The following LGR5 variants were observed in gnomAD, a reference collection of about 807,000 sequenced individuals.
The protein encoded by LGR5 is leucine rich repeat containing G protein-coupled receptor 5.
LGR5 carries 54 observed loss-of-function variants against 76.7 expected under a neutral mutation model. The observed-to-expected ratio is 0.70, with a 90% CI of 0.57 to 0.88. LGR5 has a LOEUF of 0.88. Among genes scored for constraint, LGR5 ranks in the 40% least tolerant of loss-of-function variants. The pLI is 0.00. For synonymous variants in LGR5, 406 were observed against 421.9 expected (o/e 0.96, Z 0.46); for missense variants, 1,078 against 1,073.3 (o/e 1.00, Z -0.06).
chr12:71,582,665 C>T, intron 17 of LGR5, 126 bp downstream of exon 17: 1 of 653,056 alleles, frequency 1.5e-6, no homozygotes, highest in East Asian at 2.7e-5. Context: ...AGTAACCCTC[C>T]CCATAGTGGC....
rs79800508 is a variant in LGR5 at position 71,503,271 on chromosome 12, C to T, written c.213-1343C>T. On this transcript the variant is annotated intron_variant, in intron 1 of 17. Coordinates refer to ENST00000266674, the MANE Select transcript of LGR5 (RefSeq NM_003667.4). ...CTTGACTTTTTTATCTAGACAACGC[C>T]AGAAAAATCCAGATTTTTGGAATAT... is the stretch of plus-strand genomic sequence containing the variant. Among the ~76,000 whole-genome samples, 366 of 152,186 alleles carry T rather than the reference C, an allele frequency of 2.4e-3. 2 individuals are homozygous for T. Among genetic ancestry groups the T allele is most frequent in the African/African-American group, 8.5e-3 (351 of 41,514 alleles).
intron 1 of LGR5, among the ~76,000 whole-genome samples, chr12:71,501,108 ATTAC>A (rs2137298031): frequency 6.6e-6 from 1 of 152,356 alleles, no homozygotes; most frequent in East Asian, 1.9e-4. Flanking sequence ...TTTTAAAATC[ATTAC>A]TTAAAGAGTA....
chr12:71,496,038 C>T (rs114568727), intron 1 of LGR5, among the ~76,000 whole-genome samples: 3,480 of 152,136 alleles, frequency 0.023, 135 homozygotes, highest in African/African-American at 0.079. Flanking sequence ...ATTATAACCA[C>T]GATGTGACAT....
At chr12:71,484,811 G>T (rs549785338) in intron 1 of LGR5, among the ~76,000 whole-genome samples, 1 of 152,306 alleles carries the variant, frequency 6.6e-6, no homozygotes, top group South Asian at 2.1e-4. Flanking sequence ...TAGGGCAGAG[G>T]AATGCCCAGT....
chr12:71,577,958 C>T lies in LGR5; in HGVS notation c.1242C>T (p.His414=), dbSNP rs767062559. The change falls in exon 14 of 18, where the codon CAC becomes CAT. Residue 414 remains histidine, a synonymous_variant. Coordinates refer to ENST00000266674, the MANE Select transcript of LGR5 (RefSeq NM_003667.4). Reference sequence around the variant, plus strand: ...CTTGGAACAAAATTGCTATTATTCACCCCAATGCATTTTCCACTTTGCCAT... The same window carrying T: ...CTTGGAACAAAATTGCTATTATTCATCCCAATGCATTTTCCACTTTGCCAT... ...NLAWNKIAII[H]PNAFSTLPSL... 6.2e-7 allele frequency: 1 copy of T among 1,613,420 alleles called. No homozygotes were observed. Among genetic ancestry groups the T allele is most frequent in the Non-Finnish European group, 8.5e-7 (1 of 1,179,538 alleles).
In LGR5 at chr12:71,585,619, G is replaced by T. The variant is rs1270805901; in HGVS notation, c.*885G>T. The T allele has an allele frequency of 6.6e-6, 1 of 152,168 alleles. No homozygotes were observed. The highest frequency in any genetic ancestry group is 2.4e-5 in the African/African-American group (1 of 41,434). The allele number at this position is 152,168 out of a possible 1,614,324, so 9.4% of individuals were successfully genotyped here. A position where few individuals can be genotyped will look rare whatever the true frequency, so the allele number is the denominator to read the frequency against. On this transcript the variant is annotated 3_prime_UTR_variant, in exon 18 of 18. Transcript: ENST00000266674. Reference sequence around the variant, plus strand: ...AGAATTTTTGCAATAAGTTTTATCAGTTGATTCAAACTGATGTGCATCTTA... The same window carrying T: ...AGAATTTTTGCAATAAGTTTTATCATTTGATTCAAACTGATGTGCATCTTA...
intron 4 of LGR5, among the ~76,000 whole-genome samples, chr12:71,538,827 C>T (rs7308513): frequency 0.62 from 93,756 of 151,902 alleles, 29,155 homozygotes; most frequent in East Asian, 0.86. Context: ...CACTGCACTC[C>T]AGCCCGGGCA....
At chr12:71,547,781 A>G (rs1022889546) in intron 4 of LGR5, among the ~76,000 whole-genome samples, 2 of 152,190 alleles carry the variant, frequency 1.3e-5, no homozygotes, top group Middle Eastern at 3.4e-3. Context: ...ATTTTTTTGT[A>G]TTTTTAGTAG....
Position 71,440,830 on chromosome 12 carries a change from CCCTT to C in LGR5, c.212+546_212+549del, listed in dbSNP as rs1343405546. ...TTTTGGGGTTTTTTCCTCTTTTCCT[CCCTT>C]CCTTCCTCCCTTCTTCCTTCCTTCC... is the stretch of plus-strand genomic sequence containing the variant. On this transcript the variant is annotated intron_variant, in intron 1 of 17. Coordinates refer to ENST00000266674, the MANE Select transcript of LGR5 (RefSeq NM_003667.4). The surrounding 1 kb of genome is among the most constrained non-coding windows in gnomAD (Gnocchi z 5.3). Among the ~76,000 whole-genome samples the C allele has an allele frequency of 1.3e-5, 2 of 152,138 alleles. No individual in the cohort carries two copies. Among genetic ancestry groups the C allele is most frequent in the African/African-American group, 4.8e-5 (2 of 41,434 alleles).
chr12:71,526,473 C>T (rs34794260), intron 3 of LGR5, among the ~76,000 whole-genome samples: 14,034 of 152,176 alleles, frequency 0.092, 697 homozygotes, highest in Non-Finnish European at 0.11. Context: ...TCTCTTTTAT[C>T]CACTCCTACT....
chr12:71,531,632 CCAAGG>C (rs1876314204), intron 3 of LGR5, among the ~76,000 whole-genome samples: 1 of 152,054 alleles, frequency 6.6e-6, no homozygotes, highest in Non-Finnish European at 1.5e-5. Flanking sequence ...CTTTGGAAGG[CCAAGG>C]TGGGTAGATC....
intron 16 of LGR5, among the ~76,000 whole-genome samples, chr12:71,581,344 T>G (rs1175327999): frequency 6.6e-6 from 1 of 152,192 alleles, no homozygotes; most frequent in Non-Finnish European, 1.5e-5. Context: ...CAGACAACAA[T>G]GCCTCTCAAA....
chr12:71,529,287 G>T lies in LGR5; in HGVS notation c.356+4810G>T, dbSNP rs746127998. Among the ~76,000 whole-genome samples, 8 of 152,288 alleles carry T rather than the reference G, an allele frequency of 5.3e-5. No homozygotes were observed. The South Asian group carries it at 1.5e-3, about 28-fold the overall frequency. On this transcript the variant is annotated intron_variant, in intron 3 of 17. Coordinates refer to ENST00000266674, the MANE Select transcript of LGR5 (RefSeq NM_003667.4). ...GCTCACAGTTCTGCATGGCTGGGGAGGCCTCGGGAAACTTACAATCATGGC... is the reference window on the plus strand; with the variant it reads ...GCTCACAGTTCTGCATGGCTGGGGATGCCTCGGGAAACTTACAATCATGGC...
intron 1 of LGR5, among the ~76,000 whole-genome samples, chr12:71,497,607 G>A (rs970115171): frequency 1.3e-5 from 2 of 152,166 alleles, no homozygotes; most frequent in Non-Finnish European, 2.9e-5. Context: ...TTCACAAGAA[G>A]TATATTATCT....
intron 2 of LGR5, among the ~76,000 whole-genome samples, chr12:71,523,285 G>GTTATT (rs1875814182): frequency 6.6e-6 from 1 of 151,916 alleles, no homozygotes; most frequent in East Asian, 1.9e-4. Flanking sequence ...AGGCTCTTAG[G>GTTATT]TCCTTCAGAA....
intron 1 of LGR5, among the ~76,000 whole-genome samples, chr12:71,464,291 T>C (rs1235764503): frequency 3.3e-5 from 5 of 152,102 alleles, no homozygotes; most frequent in African/African-American, 1.2e-4. Context: ...CAAGTAATAT[T>C]TGTTGAATAA....
Position 71,553,161 on chromosome 12 carries a change from G to C in LGR5, c.517G>C (p.Ala173Pro). The change falls in exon 5 of 18, where the codon GCG (alanine) becomes CCG (proline). Residue 173 changes from alanine to proline, a missense_variant. Coordinates refer to ENST00000266674, the MANE Select transcript of LGR5 (RefSeq NM_003667.4). ...SLRHLWLDDN[A>P]LTEIPVQAFR... is the part of the protein sequence containing the mutation. ...GAGGCACCTGTGGCTGGATGACAAT[G>C]CGTTAACAGAAATCCCCGTCCAGGC... is the stretch of plus-strand genomic sequence containing the variant. 1 of 1,614,070 alleles carries C rather than the reference G, an allele frequency of 6.2e-7. No individual in the cohort carries two copies. Among genetic ancestry groups the C allele is most frequent in the Non-Finnish European group, 8.5e-7 (1 of 1,180,014 alleles).
In LGR5 at chr12:71,583,667, C is replaced by A. The variant is rs1220892507; in HGVS notation, c.1657C>A (p.His553Asn). The change falls in exon 18 of 18, where the codon CAC (histidine) becomes AAC (asparagine). Residue 553 changes from histidine (H) to asparagine (N), a missense_variant. By Grantham distance (68) the His-to-Asn change is moderately conservative. Coordinates refer to ENST00000266674, the MANE Select transcript of LGR5 (RefSeq NM_003667.4). The part of the protein sequence containing the change: ...PSPGPFKPCE[H>N]LLDGWLIRIG... ...TCTAGGCCCCTTCAAACCCTGTGAA[C>A]ACCTGCTTGATGGCTGGCTGATCAG... The A allele has an allele frequency of 1.9e-6, 3 of 1,612,972 alleles. No individual in the cohort carries two copies. Among genetic ancestry groups the A allele is most frequent in the South Asian group, 2.2e-5 (2 of 90,944 alleles).
intron 11 of LGR5, among the ~76,000 whole-genome samples, chr12:71,569,064 G>T (rs1021275622): frequency 1.3e-5 from 2 of 152,194 alleles, no homozygotes; most frequent in Admixed American, 6.5e-5. Flanking sequence ...ATGGGCAAAG[G>T]ATTCCCTGTT....
Sources: gnomAD v4.1 joint callset for allele counts (sites outside exome capture counted in the v4.1 genomes callset) on GRCh38, gnomAD v4.1.1 for gene constraint, Gnocchi (gnomAD v3.1) non-coding constraint, MANE v1.5 for transcripts, NCBI Gene and HGNC (gene_info 2026-07-23, HGNC 2026-07-21) for gene names.